APBB2: variants seen among roughly 807,000 people sequenced by gnomAD.
APBB2 encodes the protein Fe65-like 1.
Under a neutral mutation model 82.5 loss-of-function variants are expected in APBB2, and 38 were observed. That is an observed-to-expected ratio of 0.46 (90% confidence interval 0.36 to 0.60). APBB2 has a LOEUF of 0.60. APBB2 is among the 20% of genes least tolerant of loss of function. APBB2 has a pLI of 0.00. For missense variants in APBB2, 772 were observed against 972.3 expected (o/e 0.79, Z 2.74); for synonymous variants, 341 against 368.2 (o/e 0.93, Z 0.85).
At chr4:40,906,562 T>A (rs1023451177) in intron 10 of APBB2, among the ~76,000 whole-genome samples, 2 of 147,720 alleles carry the variant, frequency 1.4e-5, no homozygotes, top group African/African-American at 2.5e-5. Flanking sequence ...AGAGTCCCAA[T>A]GAGGAGGGAG....
At chr4:41,189,842 A>G (rs1448508835) in intron 1 of APBB2, among the ~76,000 whole-genome samples, 4 of 152,188 alleles carry the variant, frequency 2.6e-5, no homozygotes, top group Non-Finnish European at 4.4e-5. Flanking sequence ...TTTCTCCACG[A>G]TAACACTTAC....
Position 40,821,901 on chromosome 4 carries a change from G to A in APBB2, c.2082C>T (p.Asn694=), listed in dbSNP as rs548111352. 1.8e-5 allele frequency: 29 copies of A among 1,613,802 alleles called. No individual in the cohort carries two copies. The African/African-American group carries it at 2.3e-4, about 13-fold the overall frequency. ...AGGCGGCCTGCACCGCCTCAGACAC[G>A]TTACCAGCATTAGGCTCGCACCAGA... ...HVFWCEPNAG[N]VSEAVQAACM... is the part of the protein sequence containing the mutation. Residue 694 remains asparagine (N), a synonymous_variant, in exon 17 of 18, where the codon AAC becomes AAT. Coordinates refer to ENST00000508593, the MANE Select transcript of APBB2 (RefSeq NM_004307.2).
chr4:40,903,456 G>A (rs1775885460), intron 10 of APBB2, among the ~76,000 whole-genome samples: 1 of 152,166 alleles, frequency 6.6e-6, no homozygotes, highest in East Asian at 1.9e-4. Context: ...AACAGAGTGA[G>A]ACTCCGTCTC....
At chr4:40,946,723 G>A (rs1189293625) in intron 6 of APBB2, among the ~76,000 whole-genome samples, 2 of 151,952 alleles carry the variant, frequency 1.3e-5, no homozygotes, top group African/African-American at 4.8e-5. Flanking sequence ...TAAACCCAGG[G>A]ATCAATTTTA....
chr4:40,870,787 C>T (rs1404332153), intron 12 of APBB2, among the ~76,000 whole-genome samples: 2 of 145,630 alleles, frequency 1.4e-5, no homozygotes, highest in African/African-American at 5.1e-5. Context: ...TGCTGGAGTG[C>T]AGTGGCACGA....
intron 1 of APBB2, among the ~76,000 whole-genome samples, chr4:41,196,651 A>AT: frequency 7.6e-6 from 1 of 130,902 alleles, no homozygotes; most frequent in Non-Finnish European, 1.5e-5. Flanking sequence ...AGAAGGTTTG[A>AT]CCACAAGTGT....
chr4:41,100,947 C>A (rs552570390), intron 2 of APBB2, among the ~76,000 whole-genome samples, 197 bp from the exon 3 acceptor site: 3 of 152,128 alleles, frequency 2.0e-5, no homozygotes, highest in Non-Finnish European at 4.4e-5. Context: ...GATGGCAGTT[C>A]GATCTGTCGC....
rs753714677 is a variant in APBB2, at chr4:41,013,941, C to G, written c.477G>C (p.Lys159Asn). The part of the protein sequence containing the change: ...EILPSQPRRT[K>N]SFLNYYADLE... ...GATCTGCATAGTAATTTAGGAAGCT[C>G]TTAGTTCTCCTGGGCTGGGAGGGTA... is the stretch of plus-strand genomic sequence containing the variant. Residue 159 changes from lysine (K) to asparagine (N), a missense_variant, in exon 6 of 18, where the codon AAG becomes AAC. Physicochemically the swap from Lys to Asn is moderately conservative, Grantham distance 94 (BLOSUM62 0). Coordinates refer to ENST00000508593, the MANE Select transcript of APBB2 (RefSeq NM_004307.2). 1 of 1,614,056 alleles carries G rather than the reference C, an allele frequency of 6.2e-7. No homozygotes were observed. Among genetic ancestry groups the G allele is most frequent in the East Asian group, 2.2e-5 (1 of 44,888 alleles).
intron 1 of APBB2, among the ~76,000 whole-genome samples, chr4:41,153,105 T>C (rs576393622): frequency 2.0e-5 from 3 of 152,314 alleles, no homozygotes; most frequent in Admixed American, 1.3e-4. Context: ...TTTTCAATTT[T>C]AGATTTTCAG....
In APBB2 at chr4:40,832,639, C is replaced by A. The variant is rs965970782; in HGVS notation, c.1530-2062G>T. 6.6e-5 allele frequency among the ~76,000 whole-genome samples: 10 copies of A among 152,210 alleles called. No homozygotes were observed. In the South Asian group the frequency reaches 1.7e-3, roughly 25 times the overall value. ...TTCTAAGCTGCTCTTCGCCTCCCTG[C>A]CTGTGCTCAGGCCATCTCCATCCCC... On this transcript the variant is annotated intron_variant, in intron 12 of 17. Coordinates refer to ENST00000508593, the MANE Select transcript of APBB2 (RefSeq NM_004307.2). This position sits in a 1 kb window ranked among gnomAD's most constrained non-coding sequence, Gnocchi z 4.8.
rs141797520 is a variant in APBB2 at position 40,946,447 on chromosome 4, A to T, written c.836-1374T>A. Among the ~76,000 whole-genome samples, 301 of 132,274 alleles carry T rather than the reference A, an allele frequency of 2.3e-3. 2 individuals are homozygous for T. The East Asian group carries it at 0.028, about 12-fold the overall frequency. The allele number at this position is 132,274 out of a possible 152,430, so 86.8% of individuals were successfully genotyped here. A position where few individuals can be genotyped will look rare whatever the true frequency, so the allele number is the denominator to read the frequency against. On this transcript the variant is annotated intron_variant, in intron 6 of 17. Coordinates refer to ENST00000508593, the MANE Select transcript of APBB2 (RefSeq NM_004307.2). ...AGAAAATAATCCTTTAAACACTGCGATGGCCAAATAAAATACGTCTACTAG... is the reference window on the plus strand; with the variant it reads ...AGAAAATAATCCTTTAAACACTGCGTTGGCCAAATAAAATACGTCTACTAG...
At chr4:40,868,402 G>T (rs191603373) in intron 12 of APBB2, among the ~76,000 whole-genome samples, 67 of 152,290 alleles carry the variant, frequency 4.4e-4, no homozygotes, top group Admixed American at 5.9e-4. Context: ...GAGGAAAAGA[G>T]GGGAAACTGC....
intron 10 of APBB2, among the ~76,000 whole-genome samples, chr4:40,899,268 C>A (rs932267031): frequency 3.3e-5 from 5 of 152,164 alleles, no homozygotes; most frequent in African/African-American, 1.2e-4. Flanking sequence ...TTACTATGGG[C>A]ATTTAAGGGA....
intron 12 of APBB2, among the ~76,000 whole-genome samples, chr4:40,872,111 A>T (rs977409049): frequency 4.6e-5 from 7 of 152,248 alleles, no homozygotes; most frequent in Admixed American, 1.3e-4. Context: ...GCTAAGCATC[A>T]TTTCCAGCAG....
chr4:41,125,236 A>G (rs191340334), intron 2 of APBB2, among the ~76,000 whole-genome samples: 121 of 152,378 alleles, frequency 7.9e-4, no homozygotes, highest in African/African-American at 2.8e-3. Context: ...TCACTCAATT[A>G]TAATAGTCTC....
intron 4 of APBB2, among the ~76,000 whole-genome samples, chr4:41,064,580 C>A (rs1731036612): frequency 6.6e-6 from 1 of 152,200 alleles, no homozygotes; most frequent in Non-Finnish European, 1.5e-5. Context: ...AAGTCTGAGA[C>A]ACACTGCCCT....
At chr4:40,872,237 C>T (rs1765708263) in intron 12 of APBB2, among the ~76,000 whole-genome samples, 2 of 152,130 alleles carry the variant, frequency 1.3e-5, no homozygotes, top group Admixed American at 6.5e-5. Flanking sequence ...CAAAGGAAGC[C>T]GTGTCTTCAG....
intron 6 of APBB2, among the ~76,000 whole-genome samples, chr4:40,968,083 G>A (rs1560410396): frequency 1.3e-5 from 2 of 152,208 alleles, no homozygotes; most frequent in South Asian, 2.1e-4. Flanking sequence ...TTCTGACAGT[G>A]TGCCAGGCAC....
intron 6 of APBB2, among the ~76,000 whole-genome samples, chr4:40,970,668 G>A (rs116436329): frequency 0.01 from 1,557 of 152,128 alleles, 33 homozygotes; most frequent in African/African-American, 0.035. Flanking sequence ...AAATGTATGG[G>A]AGTGATGGGT....
Sources: gnomAD v4.1 joint callset for allele counts (sites outside exome capture counted in the v4.1 genomes callset) on GRCh38, gnomAD v4.1.1 for gene constraint, Gnocchi (gnomAD v3.1) non-coding constraint, MANE v1.5 for transcripts, NCBI Gene and HGNC (gene_info 2026-07-23, HGNC 2026-07-21) for gene names.